Variants in PCNT observed in about 807,000 individuals in gnomAD.
PCNT encodes pericentrin.
In PCNT, 319 loss-of-function variants were observed where a neutral mutation model predicts 380.4. That is an observed-to-expected ratio of 0.84 (90% CI 0.77 to 0.92). PCNT has a LOEUF of 0.92. Among genes scored for constraint, PCNT ranks in the 40% least tolerant of loss-of-function variants. The probability of loss-of-function intolerance (pLI) is 0.00; values close to 1 mark genes in which losing one functional copy is unlikely to be tolerated. For missense variants in PCNT, 4,400 were observed against 4,255.3 expected (o/e 1.03, Z -0.95); for synonymous variants, 1,845 against 1,735.2 (o/e 1.06, Z -1.57).
chr21:46,381,628 C>T (rs775705850), intron 15 of PCNT, 66 bp from the exon 16 acceptor site: 121 of 1,481,000 alleles, frequency 8.2e-5, no homozygotes, highest in Admixed American at 4.3e-4. Flanking sequence ...TGCTGAATTC[C>T]GGCTAACAGC....
At position 46,413,312 on chromosome 21, in the gene PCNT, A is replaced by G. The variant is rs776232335; in HGVS notation, c.6150+320A>G. On this transcript the variant is annotated intron_variant, in intron 29 of 46. Transcript: ENST00000359568. ...GCAAGGTGTGGGGAACGGGGAAGGC[A>G]CGAGGCCCACCCGGGAGAGGCTGGA... is the stretch of plus-strand genomic sequence containing the variant. 6.1e-3 allele frequency among the ~76,000 whole-genome samples: 395 copies of G among 64,490 alleles called. 18 individuals are homozygous for G. Among genetic ancestry groups the G allele is most frequent in the Middle Eastern group, 0.012 (1 of 82 alleles). The allele number at this position is 64,490 out of a possible 152,430, so 42.3% of individuals were successfully genotyped here.
At chr21:46,380,996 C>A (rs1169606019) in intron 15 of PCNT, among the ~76,000 whole-genome samples, 1 of 151,878 alleles carries the variant, frequency 6.6e-6, no homozygotes, top group Non-Finnish European at 1.5e-5. Flanking sequence ...TTGGTAGAAA[C>A]CCTATCTCTA....
rs765368263 is a variant in PCNT, at chr21:46,430,546, G to T, written c.7953G>T (p.Ala2651=). 3.2e-6 allele frequency: 5 copies of T among 1,555,600 alleles called. No individual in the cohort carries two copies. Among genetic ancestry groups the T allele is most frequent in the Non-Finnish European group, 3.5e-6 (4 of 1,149,980 alleles). The change falls in exon 37 of 47, where the codon GCG becomes GCT. Residue 2651 remains alanine, a synonymous_variant. Transcript: ENST00000359568. ...LSSKENELKA[A]LQELESEQGK... ...GTAAGGAGAACGAGCTGAAGGCCGC[G>T]CTTCAGGAGCTGGAGAGTGAGCAGG...
At chr21:46,357,944 CATGCTGTCATAA>C (rs1400053412) in intron 13 of PCNT, among the ~76,000 whole-genome samples, 2 of 152,256 alleles carry the variant, frequency 1.3e-5, no homozygotes, top group Non-Finnish European at 2.9e-5. Context: ...AGGACACTGC[CATGCTGTCATAA>C]ATGATGACAA....
At chr21:46,424,964 A>G (rs1439718086) in intron 32 of PCNT, among the ~76,000 whole-genome samples, 1 of 152,168 alleles carries the variant, frequency 6.6e-6, no homozygotes, top group Non-Finnish European at 1.5e-5. Context: ...AATTACAGGA[A>G]AGCCTATTTT....
intron 15 of PCNT, among the ~76,000 whole-genome samples, chr21:46,374,886 T>C (rs948368422): frequency 2.7e-5 from 4 of 146,746 alleles, no homozygotes; most frequent in South Asian, 2.2e-4. Flanking sequence ...CACAGAGCCC[T>C]GCCAAGCCCT....
chr21:46,427,551 A>G (rs1370500503), intron 33 of PCNT, 71 bp from the exon 34 acceptor site: 21 of 1,585,346 alleles, frequency 1.3e-5, no homozygotes, highest in East Asian at 2.2e-5. Context: ...ACGCAGTCAC[A>G]CTGCGAACTT....
intron 1 of PCNT, chr21:46,324,859 G>A (rs2083315231): frequency 1.7e-5 from 17 of 985,188 alleles, no homozygotes; most frequent in Non-Finnish European, 1.9e-5. Flanking sequence ...CTCGTCCGTC[G>A]GAGATGCTTT....
chr21:46,338,879 CAAGGGGT>C (rs2083834639), intron 3 of PCNT, among the ~76,000 whole-genome samples: 1 of 152,114 alleles, frequency 6.6e-6, no homozygotes. Flanking sequence ...CTCCCAGGCT[CAAGGGGT>C]TCTCCCGCCT....
chr21:46,374,747 G>A (rs1205957703), intron 15 of PCNT, among the ~76,000 whole-genome samples: 2 of 151,780 alleles, frequency 1.3e-5, no homozygotes, highest in African/African-American at 4.8e-5. Context: ...TACTCGGGAG[G>A]CTGAGGCAAG....
At chr21:46,437,700 G>A (rs895471473) in intron 40 of PCNT, among the ~76,000 whole-genome samples, 1 of 152,310 alleles carries the variant, frequency 6.6e-6, no homozygotes, top group African/African-American at 2.4e-5. Flanking sequence ...CATGTGAGGT[G>A]CAGGGGAGCT....
At chr21:46,346,354 AGCAGG>A (rs1287705074) in intron 4 of PCNT, 146 bp downstream of exon 4, 1 of 740,978 alleles carries the variant, frequency 1.3e-6, no homozygotes, top group Non-Finnish European at 2.3e-6. Flanking sequence ...TGGGGCCATC[AGCAGG>A]GCCGGTGGAG....
chr21:46,357,254 G>GAGA, intron 13 of PCNT, 63 bp downstream of exon 13: 4 of 1,210,792 alleles, frequency 3.3e-6, no homozygotes, highest in Non-Finnish European at 4.9e-6. Context: ...CCACCTGGAA[G>GAGA]GCTTGTGTCC....
chr21:46,430,233 G>A lies in PCNT; in HGVS notation c.7913+1G>A. Reference sequence around the variant, plus strand: ...TGCAGCAGGAGGTCCTCCAGCTGAGGTGCGCCTGATCCCCCTTCCTGGGAC... The same window carrying A: ...TGCAGCAGGAGGTCCTCCAGCTGAGATGCGCCTGATCCCCCTTCCTGGGAC... On this transcript the variant is annotated splice_donor_variant, in intron 36 of 46. Transcript: ENST00000359568. LOFTEE classifies it high-confidence loss of function. 2 of 1,611,508 alleles carry A rather than the reference G, an allele frequency of 1.2e-6. No individual in the cohort carries two copies. The highest frequency in any genetic ancestry group is 1.7e-6 in the Non-Finnish European group (2 of 1,178,748).
chr21:46,333,754 C>A (rs2083632998), intron 2 of PCNT, among the ~76,000 whole-genome samples: 1 of 150,176 alleles, frequency 6.7e-6, no homozygotes. Context: ...AGGAGAATCA[C>A]TTGAACCCAG....
chr21:46,325,350 G>A, intron 1 of PCNT: 1 of 308,900 alleles, frequency 3.2e-6, no homozygotes, highest in Non-Finnish European at 4.7e-6. Context: ...CCCGGAGCCT[G>A]CAGGGAGCTG....
At position 46,346,711 on chromosome 21, in the gene PCNT, G is replaced by T. The variant is rs1451378260; in HGVS notation, c.721-32G>T. The T allele has an allele frequency of 3.2e-6, 5 of 1,580,838 alleles. No homozygotes were observed. In the East Asian group the frequency reaches 9.1e-5, roughly 29 times the overall value. On this transcript the variant is annotated intron_variant, in intron 4 of 46. Transcript: ENST00000359568. Reference sequence around the variant, plus strand: ...CTGATGCGCCCTGGTTCTGACCATGGGCCCTTATCAGAGGCCTTTTCTCCG... The same window carrying T: ...CTGATGCGCCCTGGTTCTGACCATGTGCCCTTATCAGAGGCCTTTTCTCCG...
chr21:46,329,542 C>G (rs16979065), intron 2 of PCNT, among the ~76,000 whole-genome samples: 7,688 of 152,246 alleles, frequency 0.05, 250 homozygotes, highest in Middle Eastern at 0.1. Context: ...TTAAAGCAAT[C>G]TATAAATAAC....
chr21:46,340,663 G>A (rs924406512), intron 3 of PCNT, among the ~76,000 whole-genome samples: 5 of 152,118 alleles, frequency 3.3e-5, no homozygotes, highest in African/African-American at 1.2e-4. Context: ...GAGGTGCAGT[G>A]AGCCTATCCA....
Sources: gnomAD v4.1 joint callset for allele counts (sites outside exome capture counted in the v4.1 genomes callset) on GRCh38, gnomAD v4.1.1 for gene constraint, MANE v1.5 for transcripts, NCBI Gene and HGNC (gene_info 2026-07-23, HGNC 2026-07-21) for gene names.